Variants in CARD8 observed in about 807,000 individuals in gnomAD.
The protein encoded by CARD8 is caspase recruitment domain family member 8, also known as caspase recruitment domain-containing protein 8.
In CARD8, 38 loss-of-function variants were observed where a neutral mutation model predicts 53.2. The observed-to-expected ratio is 0.71, with a 90% CI of 0.55 to 0.94. The LOEUF is 0.94. Among genes scored for constraint, CARD8 ranks in the 40% least tolerant of loss-of-function variants. CARD8 has a pLI of 0.00. For synonymous variants in CARD8, 245 were observed against 244.9 expected, an observed-to-expected ratio of 1.00 and a Z score of 0.00; for missense variants, 561 against 655.5, an observed-to-expected ratio of 0.86 and a Z score of 1.57.
chr19:48,230,040 G>T (rs910990124), intron 10 of CARD8, among the ~76,000 whole-genome samples: 3 of 152,134 alleles, frequency 2.0e-5, no homozygotes, highest in South Asian at 4.1e-4. Context: ...TTGAACCCGA[G>T]AAGTGGATGT....
In CARD8 at chr19:48,230,969, C is replaced by T. The variant is rs1462869609; in HGVS notation, c.580G>A (p.Ala194Thr). The change falls in exon 9 of 14, where the codon GCC becomes ACC. Residue 194 changes from alanine (A) to threonine (T), a missense_variant. Coordinates refer to ENST00000651546, the MANE Select transcript of CARD8 (RefSeq NM_001184900.3). ...FPTAGWYLWS[A>T]TGLGFLVRDE... ...CTTACCAGGAAGCCGAGGCCTGTGGCTGACCACAGATACCAGCCAGCAGTG... is the reference window on the plus strand; with the variant it reads ...CTTACCAGGAAGCCGAGGCCTGTGGTTGACCACAGATACCAGCCAGCAGTG... The T allele has an allele frequency of 6.2e-7, 1 of 1,614,036 alleles. No homozygotes were observed. The highest frequency in any genetic ancestry group is 1.3e-5 in the African/African-American group (1 of 74,920).
intron 5 of CARD8, 139 bp downstream of exon 5, chr19:48,238,244 A>T: frequency 7.3e-7 from 1 of 1,373,274 alleles, no homozygotes; most frequent in Non-Finnish European, 9.5e-7. Context: ...AAAACTTAAG[A>T]TAACAAAGAA....
At chr19:48,241,321 T>G (rs7249009) in intron 3 of CARD8, among the ~76,000 whole-genome samples, 40,091 of 152,066 alleles carry the variant, frequency 0.26, 5,590 homozygotes, top group East Asian at 0.48. Context: ...AATGGCGAGA[T>G]CTTGACTCAC....
chr19:48,232,750 C>T (rs1268267019), intron 6 of CARD8: 4 of 626,874 alleles, frequency 6.4e-6, no homozygotes, highest in African/African-American at 3.6e-5. Flanking sequence ...GGAACACTCC[C>T]GTCATCACAG....
chr19:48,234,367 C>T (rs776120131), intron 6 of CARD8, 36 bp downstream of exon 6: 11 of 1,578,858 alleles, frequency 7.0e-6, no homozygotes, highest in African/African-American at 4.1e-5. Flanking sequence ...TGAGACACAG[C>T]GTCCAATAGT....
At chr19:48,234,168 G>A (rs2043431062) in intron 6 of CARD8, 3 of 454,470 alleles carry the variant, frequency 6.6e-6, no homozygotes, top group African/African-American at 2.0e-5. Flanking sequence ...ACTGGTCTTC[G>A]ATTGCATTGC....
At chr19:48,206,418 T>C (rs1288715761), downstream of CARD8, 1 of 457,794 alleles carries the variant, frequency 2.2e-6, no homozygotes, top group Admixed American at 2.3e-5. Flanking sequence ...GCAGTCCCAA[T>C]GAGTCTGGAT....
intron 13 of CARD8, among the ~76,000 whole-genome samples, chr19:48,214,154 G>A (rs2038667902): frequency 6.6e-6 from 1 of 152,200 alleles, no homozygotes; most frequent in African/African-American, 2.4e-5. Context: ...TATGACATCA[G>A]TCATTCTTGG....
At chr19:48,215,937 C>A (rs1451874275) in intron 12 of CARD8, among the ~76,000 whole-genome samples, 1 of 151,830 alleles carries the variant, frequency 6.6e-6, no homozygotes, top group Non-Finnish European at 1.5e-5. Flanking sequence ...GCAACATGCC[C>A]CCCCCACCCC....
intron 1 of CARD8, among the ~76,000 whole-genome samples, chr19:48,252,872 T>A (rs1301276268): frequency 4.6e-5 from 7 of 152,078 alleles, no homozygotes; most frequent in African/African-American, 1.7e-4. Context: ...TAGGTATTTT[T>A]AAACTAACTG....
At chr19:48,224,341 C>T (rs2041306676) in intron 10 of CARD8, among the ~76,000 whole-genome samples, 1 of 152,122 alleles carries the variant, frequency 6.6e-6, no homozygotes, top group South Asian at 2.1e-4. Context: ...ATTTAACTCA[C>T]AATATCATTT....
chr19:48,242,634 C>A (rs1226814890), intron 3 of CARD8: 4 of 152,114 alleles, frequency 2.6e-5, no homozygotes, highest in Non-Finnish European at 5.9e-5. Flanking sequence ...TGGGTGAGTT[C>A]CACTTTGGGG....
At chr19:48,236,819 G>A (rs1301591321) in intron 5 of CARD8, among the ~76,000 whole-genome samples, 1 of 151,998 alleles carries the variant, frequency 6.6e-6, no homozygotes, top group Non-Finnish European at 1.5e-5. Context: ...TTGTTGCCCA[G>A]GCTAGAGTGC....
At chr19:48,229,151 G>T (rs556116177) in intron 10 of CARD8, among the ~76,000 whole-genome samples, 16 of 152,150 alleles carry the variant, frequency 1.1e-4, no homozygotes, top group African/African-American at 3.4e-4. Context: ...AAGAAAAAAA[G>T]AAAAGAAAAG....
At chr19:48,231,111 C>T in intron 8 of CARD8, 105 bp from the exon 9 acceptor site, 2 of 872,260 alleles carry the variant, frequency 2.3e-6, no homozygotes, top group Non-Finnish European at 3.7e-6. Flanking sequence ...AGGTTCAGGA[C>T]CCATCTGCGA....
intron 3 of CARD8, chr19:48,242,676 G>T (rs1232729425): frequency 3.9e-5 from 6 of 152,160 alleles, no homozygotes; most frequent in Admixed American, 3.9e-4. Context: ...TGAATATTCA[G>T]GTACGAATTT....
In CARD8 at chr19:48,249,545, G is replaced by C. The variant is rs1444475107; in HGVS notation, c.-66C>G. ...CACATTGAAGATGGCCCAGATGCTTGCACTAACCGCGTTTACCGCCCACAG... is the reference window on the plus strand; with the variant it reads ...CACATTGAAGATGGCCCAGATGCTTCCACTAACCGCGTTTACCGCCCACAG... On this transcript the variant is annotated 5_prime_UTR_variant, in exon 3 of 14. Coordinates refer to ENST00000651546, the MANE Select transcript of CARD8 (RefSeq NM_001184900.3). 2 of 152,320 alleles carry C rather than the reference G, an allele frequency of 1.3e-5. No homozygotes were observed. The highest frequency in any genetic ancestry group is 2.4e-5 in the African/African-American group (1 of 41,442). 9.4% of individuals were successfully genotyped at this position (152,320 alleles called of 1,614,324 possible). A position where few individuals can be genotyped will look rare whatever the true frequency, so the allele number is the denominator to read the frequency against.
intron 12 of CARD8, among the ~76,000 whole-genome samples, chr19:48,216,408 T>C (rs1301818311): frequency 6.6e-6 from 1 of 152,138 alleles, no homozygotes; most frequent in Non-Finnish European, 1.5e-5. Flanking sequence ...ACTCTGACAA[T>C]CTGAGATGCT....
At chr19:48,232,893 CCTT>C (rs1220832841) in intron 6 of CARD8, 3 of 416,230 alleles carry the variant, frequency 7.2e-6, no homozygotes, top group Admixed American at 2.8e-5. Flanking sequence ...TGACATCTCT[CCTT>C]CTTCTCTTTG....
Sources: gnomAD v4.1 joint callset for allele counts (sites outside exome capture counted in the v4.1 genomes callset) on GRCh38, gnomAD v4.1.1 for gene constraint, MANE v1.5 for transcripts, NCBI Gene and HGNC (gene_info 2026-07-23, HGNC 2026-07-21) for gene names.